Variants in IL21 observed in about 807,000 individuals in gnomAD.
IL21 encodes interleukin-21.
In IL21, 3 loss-of-function variants were observed where a neutral mutation model predicts 18.4. The observed-to-expected ratio is 0.16, with a 90% CI of 0.07 to 0.42. The LOEUF (loss-of-function observed/expected upper bound fraction) is 0.42. Ranked by LOEUF, IL21 falls within the 10% of genes least tolerant of loss-of-function variation. The pLI is 0.99. For synonymous variants in IL21, 37 were observed against 62.0 expected (o/e 0.60, Z 1.90); for missense variants, 130 against 188.4 (o/e 0.69, Z 1.81).
intron 2 of IL21, among the ~76,000 whole-genome samples, chr4:122,618,370 C>T (rs1432919729): frequency 6.6e-6 from 1 of 151,842 alleles, no homozygotes; most frequent in East Asian, 1.9e-4. Flanking sequence ...ATCCTCCAAA[C>T]TTGGCTTCCC....
At position 122,610,759 on chromosome 4, in the gene IL21, C is replaced by T. The variant is rs898221677; in HGVS notation, c.*1951G>A. On this transcript the variant is annotated 3_prime_UTR_variant, in exon 5 of 5. Coordinates refer to ENST00000648588, the MANE Select transcript of IL21 (RefSeq NM_021803.4). ...ATATTTATGGGTTATCTTTATATTC[C>T]TTTTAAGAACTGGCCATCTTGAACA... Among the ~76,000 whole-genome samples the T allele has an allele frequency of 3.3e-5, 5 of 152,042 alleles. No homozygotes were observed. The highest frequency in any genetic ancestry group is 1.2e-4 in the African/African-American group (5 of 41,396).
At chr4:122,619,192 T>A (rs1799387804) in intron 2 of IL21, 1 of 152,218 alleles carries the variant, frequency 6.6e-6, no homozygotes, top group Non-Finnish European at 1.5e-5. Context: ...GATAGTTTTA[T>A]TTTCATTAAA....
In IL21 at chr4:122,615,600, A is replaced by G. The variant is rs1390175411; in HGVS notation, c.360+82T>C. On this transcript the variant is annotated intron_variant, in intron 3 of 4. Coordinates refer to ENST00000648588, the MANE Select transcript of IL21 (RefSeq NM_021803.4). ...AAGGAAGACACCAGCAGCCCTGGCT[A>G]CAGGTGTGTGTGTATGTTTATGTAA... 3 of 1,238,548 alleles carry G rather than the reference A, an allele frequency of 2.4e-6. No individual in the cohort carries two copies. The Admixed American group carries it at 6.4e-5, about 26-fold the overall frequency. The allele number at this position is 1,238,548 out of a possible 1,614,324, so 76.7% of individuals were successfully genotyped here. A position where few individuals can be genotyped will look rare whatever the true frequency, so the allele number is the denominator to read the frequency against.
In IL21 at chr4:122,611,611, T is replaced by G. The variant is rs1799264399; in HGVS notation, c.*1099A>C. Among the ~76,000 whole-genome samples the G allele has an allele frequency of 6.6e-6, 1 of 152,206 alleles. No individual in the cohort carries two copies. Among genetic ancestry groups the G allele is most frequent in the South Asian group, 2.1e-4 (1 of 4,830 alleles). On this transcript the variant is annotated 3_prime_UTR_variant, in exon 5 of 5. Transcript: ENST00000648588. Reference sequence around the variant, plus strand: ...GTTGCTTGTTTTTACTACCCAAGTCTGAAAGATTGGAATGCTTATGCGAAA... The same window carrying G: ...GTTGCTTGTTTTTACTACCCAAGTCGGAAAGATTGGAATGCTTATGCGAAA...
At chr4:122,612,961 T>C in intron 3 of IL21, 33 bp from the exon 4 acceptor site, 1 of 1,379,208 alleles carries the variant, frequency 7.3e-7, no homozygotes. Flanking sequence ...CAGTCTTCTT[T>C]AAAATTTTTT....
rs1319760678 is a variant in IL21, at chr4:122,613,458, T to C, written c.361-530A>G. On this transcript the variant is annotated intron_variant, in intron 3 of 4. Coordinates refer to ENST00000648588, the MANE Select transcript of IL21 (RefSeq NM_021803.4). ...CTTCCACCTCCTGGATTCAAGCAAT[T>C]ATCCTGCCTTAGCCTCCCAAGTAGC... 2.0e-5 allele frequency among the ~76,000 whole-genome samples: 3 copies of C among 151,364 alleles called. No individual in the cohort carries two copies. The South Asian group carries it at 6.3e-4, about 32-fold the overall frequency.
At chr4:122,613,347 CTTTTTTTTTTTTT>C (rs34061725) in intron 3 of IL21, among the ~76,000 whole-genome samples, 2 of 94,946 alleles carry the variant, frequency 2.1e-5, no homozygotes, top group African/African-American at 3.8e-5. Context: ...TTGCATCTAA[CTTTTTTTTTTTTT>C]TTTTTTTTTT....
Position 122,611,370 on chromosome 4 carries a change from G to A in IL21, c.*1340C>T, listed in dbSNP as rs1475612794. 6.6e-6 allele frequency among the ~76,000 whole-genome samples: 1 copy of A among 151,998 alleles called. No individual in the cohort carries two copies. The highest frequency in any genetic ancestry group is 6.6e-5 in the Admixed American group (1 of 15,256). The stretch of plus-strand genomic sequence containing the variant: ...TCTCAATATATCTTTTAGAACTGTA[G>A]GTTAAGTCTGTATTTGTTTTAAGCA... On this transcript the variant is annotated 3_prime_UTR_variant, in exon 5 of 5. Transcript: ENST00000648588.
In IL21 at chr4:122,614,439, G is replaced by T. The variant is rs145833022; in HGVS notation, c.360+1243C>A. ...AAAAAATTTGAGGCTGGGTGCGATG[G>T]CTAACACCTGTAATCCCAGCACTTT... On this transcript the variant is annotated intron_variant, in intron 3 of 4. Transcript: ENST00000648588. Among the ~76,000 whole-genome samples the T allele has an allele frequency of 4.6e-4, 65 of 142,402 alleles. No homozygotes were observed. The East Asian group carries it at 0.012, about 26-fold the overall frequency. 93.4% of individuals were successfully genotyped at this position (142,402 alleles called of 152,430 possible).
At chr4:122,615,892 G>C in intron 2 of IL21, 55 bp from the exon 3 acceptor site, 1 of 1,445,712 alleles carries the variant, frequency 6.9e-7, no homozygotes, top group Non-Finnish European at 9.5e-7. Context: ...GAAAGTAAAA[G>C]ATAGCTTTCC....
chr4:122,612,618 A>G lies in IL21; in HGVS notation c.*92T>C. The G allele has an allele frequency of 3.2e-6, 3 of 924,498 alleles. No homozygotes were observed. Among genetic ancestry groups the G allele is most frequent in the South Asian group, 2.8e-5 (2 of 72,124 alleles). 57.3% of individuals were successfully genotyped at this position (924,498 alleles called of 1,614,324 possible). On this transcript the variant is annotated 3_prime_UTR_variant, in exon 5 of 5. Coordinates refer to ENST00000648588, the MANE Select transcript of IL21 (RefSeq NM_021803.4). ...TATGAGTTTTTTTTTCCCATCGCTA[A>G]TATATTGTACTCCTCCACTTGGAAT...
rs1373986716 is a variant in IL21, at chr4:122,620,730, C to G, written c.175G>C (p.Glu59Gln). 3 of 1,613,474 alleles carry G rather than the reference C, an allele frequency of 1.9e-6. No homozygotes were observed. The highest frequency in any genetic ancestry group is 2.5e-6 in the Non-Finnish European group (3 of 1,179,816). ...ACATCTTCTGGAGCTGGCAGAAATTCAGGGACCTAGAGCAAAAGAAAATTT... is the reference window on the plus strand; with the variant it reads ...ACATCTTCTGGAGCTGGCAGAAATTGAGGGACCTAGAGCAAAAGAAAATTT... ...LKNYVNDLVP[E>Q]FLPAPEDVET... The change falls in exon 2 of 5, where the codon GAA becomes CAA. Residue 59 changes from glutamate to glutamine, a missense_variant. Physicochemically the swap from Glu to Gln is conservative, Grantham distance 29 (BLOSUM62 2). Coordinates refer to ENST00000648588, the MANE Select transcript of IL21 (RefSeq NM_021803.4).
chr4:122,616,586 GAAAGTC>G (rs1799340241), intron 2 of IL21, among the ~76,000 whole-genome samples: 1 of 152,320 alleles, frequency 6.6e-6, no homozygotes, highest in East Asian at 1.9e-4. Context: ...CAATGAGACG[GAAAGTC>G]ATTTCTTAGA....
intron 3 of IL21, among the ~76,000 whole-genome samples, chr4:122,615,088 A>G (rs1214396868): frequency 6.6e-6 from 1 of 152,206 alleles, no homozygotes; most frequent in Non-Finnish European, 1.5e-5. Context: ...TCACAGTTGG[A>G]TTCTCTGCCT....
At chr4:122,616,734 T>C (rs1010211023) in intron 2 of IL21, among the ~76,000 whole-genome samples, 22 of 152,184 alleles carry the variant, frequency 1.4e-4, no homozygotes, top group African/African-American at 5.1e-4. Flanking sequence ...GGAAATGGAA[T>C]TTACTGGAAA....
chr4:122,617,906 GAGA>G (rs955004654), intron 2 of IL21, among the ~76,000 whole-genome samples: 17 of 152,338 alleles, frequency 1.1e-4, no homozygotes, highest in African/African-American at 3.1e-4. Context: ...AGGATGTATT[GAGA>G]AGGAGAGTGA....
Position 122,620,742 on chromosome 4 carries a change from G to A in IL21, c.169-6C>T, listed in dbSNP as rs1327982941. The A allele has an allele frequency of 6.2e-7, 1 of 1,613,322 alleles. No individual in the cohort carries two copies. Among genetic ancestry groups the A allele is most frequent in the Non-Finnish European group, 8.5e-7 (1 of 1,179,670 alleles). ...GCTGGCAGAAATTCAGGGACCTAGA[G>A]CAAAAGAAAATTTGTTCTGAGTTAT... On this transcript the variant is annotated splice_region_variant and splice_polypyrimidine_tract_variant and intron_variant, in intron 1 of 4. Transcript: ENST00000648588.
chr4:122,619,353 G>A (rs1240857810), intron 2 of IL21: 2 of 152,094 alleles, frequency 1.3e-5, no homozygotes, highest in Admixed American at 1.3e-4. Context: ...TTATATCATA[G>A]CCAGCATTGC....
In IL21 at chr4:122,612,556, T is replaced by C; in HGVS notation, c.*154A>G. ...TAACATAGGAAATCAGACTATTGTA[T>C]AGTGATTATGGGGAAATAATCCTGA... On this transcript the variant is annotated 3_prime_UTR_variant, in exon 5 of 5. Transcript: ENST00000648588. 5.0e-6 allele frequency: 3 copies of C among 600,256 alleles called. No individual in the cohort carries two copies. The highest frequency in any genetic ancestry group is 4.3e-5 in the South Asian group (2 of 46,138). The allele number at this position is 600,256 out of a possible 1,614,324, so 37.2% of individuals were successfully genotyped here.
Sources: allele counts gnomAD v4.1 joint callset (sites outside exome capture counted in the v4.1 genomes callset), GRCh38; gene constraint gnomAD v4.1.1; transcripts MANE v1.5; gene names NCBI Gene and HGNC (gene_info 2026-07-23, HGNC 2026-07-21).